The following MCPH1 variants were observed in gnomAD, a reference collection of about 807,000 sequenced individuals.
The protein encoded by MCPH1 is microcephalin.
MCPH1 carries 104 observed loss-of-function variants against 84.5 expected under a neutral mutation model. That is an observed-to-expected ratio of 1.23 (90% CI 1.05 to 1.45). MCPH1 has a LOEUF of 1.45. Among genes scored for constraint, MCPH1 ranks in the 40% most tolerant of loss-of-function variants. The probability of loss-of-function intolerance (pLI) is 0.00; values close to 1 mark genes in which losing one functional copy is unlikely to be tolerated. For synonymous variants in MCPH1, 514 were observed against 366.8 expected (o/e 1.40, Z -4.58); for missense variants, 1,498 against 1,005.7 (o/e 1.49, Z -6.62).
At chr8:6,636,192 T>C (rs1336630682) in intron 13 of MCPH1, among the ~76,000 whole-genome samples, 3 of 152,000 alleles carry the variant, frequency 2.0e-5, no homozygotes, top group Admixed American at 1.3e-4. Flanking sequence ...TTACAAAAAT[T>C]AGCCGGGCGT....
intron 12 of MCPH1, among the ~76,000 whole-genome samples, chr8:6,512,401 G>T (rs1815338580): frequency 6.6e-6 from 1 of 152,130 alleles, no homozygotes; most frequent in Non-Finnish European, 1.5e-5. Flanking sequence ...GCATTAATGA[G>T]ATGAAGACGA....
intron 2 of MCPH1, among the ~76,000 whole-genome samples, chr8:6,412,914 A>T (rs1308884169): frequency 1.3e-5 from 2 of 152,232 alleles, no homozygotes; most frequent in Non-Finnish European, 2.9e-5. Context: ...AAGAAAGAGA[A>T]ACCAGCAACG....
intron 12 of MCPH1, among the ~76,000 whole-genome samples, chr8:6,613,045 G>C (rs1361686233): frequency 6.6e-6 from 1 of 152,230 alleles, no homozygotes; most frequent in Non-Finnish European, 1.5e-5. Context: ...AAGGCGAGAG[G>C]CATGGGGTTG....
intron 4 of MCPH1, among the ~76,000 whole-genome samples, chr8:6,434,609 C>T (rs184561209): frequency 3.3e-5 from 5 of 152,180 alleles, no homozygotes; most frequent in African/African-American, 1.2e-4. Flanking sequence ...TTCTAGGTTG[C>T]AAGACCAGCG....
At chr8:6,560,579 G>A (rs1586628477) in intron 12 of MCPH1, among the ~76,000 whole-genome samples, 2 of 152,304 alleles carry the variant, frequency 1.3e-5, no homozygotes, top group South Asian at 4.1e-4. Context: ...TGGGAGAACA[G>A]GTGTGGAGCC....
At chr8:6,546,224 CAAAT>C (rs992236307) in intron 12 of MCPH1, among the ~76,000 whole-genome samples, 80 of 152,332 alleles carry the variant, frequency 5.3e-4, no homozygotes, top group African/African-American at 1.8e-3. Context: ...TTGCAGCAAA[CAAAT>C]TGGAGTAAGG....
chr8:6,541,551 C>T (rs1048042180), intron 12 of MCPH1, among the ~76,000 whole-genome samples: 8 of 152,200 alleles, frequency 5.3e-5, no homozygotes, highest in Admixed American at 2.0e-4. Flanking sequence ...AATGCGGAGA[C>T]GCTCGGCAGG....
At chr8:6,440,293 C>A (rs1005927647) in intron 6 of MCPH1, among the ~76,000 whole-genome samples, 2 of 152,118 alleles carry the variant, frequency 1.3e-5, no homozygotes, top group South Asian at 4.1e-4. Flanking sequence ...TTTCCAGCTT[C>A]CCACCCCGAC....
At chr8:6,590,106 G>T (rs918106765) in intron 12 of MCPH1, among the ~76,000 whole-genome samples, 1 of 152,010 alleles carries the variant, frequency 6.6e-6, no homozygotes, top group African/African-American at 2.4e-5. Flanking sequence ...AACATTTGGT[G>T]CCGGAAGAAT....
chr8:6,458,179 TC>T (rs1286461899), intron 9 of MCPH1, among the ~76,000 whole-genome samples: 1 of 152,140 alleles, frequency 6.6e-6, no homozygotes, highest in Non-Finnish European at 1.5e-5. Context: ...AGGCTTAAAG[TC>T]CTGATTTGCG....
At chr8:6,566,043 C>T (rs1471189899) in intron 12 of MCPH1, among the ~76,000 whole-genome samples, 1 of 152,170 alleles carries the variant, frequency 6.6e-6, no homozygotes, top group African/African-American at 2.4e-5. Context: ...GCCACCATCG[C>T]CACCACTCAA....
At chr8:6,591,433 G>A (rs768454054) in intron 12 of MCPH1, among the ~76,000 whole-genome samples, 23 of 152,110 alleles carry the variant, frequency 1.5e-4, no homozygotes, top group Non-Finnish European at 2.8e-4. Context: ...CTGCTGGCCC[G>A]TGAAGCCATG....
At chr8:6,453,284 TG>T (rs1256221180) in intron 8 of MCPH1, among the ~76,000 whole-genome samples, 1 of 151,238 alleles carries the variant, frequency 6.6e-6, no homozygotes. Context: ...TAAAACCCAC[TG>T]GCAAATTAGT....
At chr8:6,496,948 T>C (rs1432386082) in intron 11 of MCPH1, among the ~76,000 whole-genome samples, 3 of 152,062 alleles carry the variant, frequency 2.0e-5, no homozygotes, top group Non-Finnish European at 2.9e-5. Flanking sequence ...CCTCTTTAAA[T>C]TTTTTTTGAG....
chr8:6,574,418 T>G (rs1015889873), intron 12 of MCPH1, among the ~76,000 whole-genome samples: 4 of 152,192 alleles, frequency 2.6e-5, no homozygotes, highest in African/African-American at 9.7e-5. Context: ...CAGGAGGACC[T>G]CCTCTCAACT....
At chr8:6,450,905 G>A (rs1218616875) in intron 8 of MCPH1, among the ~76,000 whole-genome samples, 1 of 151,992 alleles carries the variant, frequency 6.6e-6, no homozygotes, top group Non-Finnish European at 1.5e-5. Flanking sequence ...ACCACACTCG[G>A]CTACGTTCCC....
At position 6,573,119 on chromosome 8, in the gene MCPH1, G is replaced by A. The variant is rs554135411; in HGVS notation, c.2215-48335G>A. ...CCAAGAGGGAGGAGATGGGTGAGTC[G>A]GAGATGCGGTCTGGAACTAGCTGCT... On this transcript the variant is annotated intron_variant, in intron 12 of 13. Coordinates refer to ENST00000344683, the MANE Select transcript of MCPH1 (RefSeq NM_024596.5). 1.2e-4 allele frequency among the ~76,000 whole-genome samples: 18 copies of A among 152,298 alleles called. No individual in the cohort carries two copies. In the East Asian group the frequency reaches 2.9e-3, roughly 24 times the overall value.
At chr8:6,406,947 C>A in intron 1 of MCPH1, 1 of 539,444 alleles carries the variant, frequency 1.9e-6, no homozygotes, top group African/African-American at 2.3e-5. Context: ...CCCTGTCCCC[C>A]CAAACCCCCG....
At chr8:6,423,322 G>A (rs1051070379) in intron 3 of MCPH1, among the ~76,000 whole-genome samples, 4 of 146,782 alleles carry the variant, frequency 2.7e-5, no homozygotes, top group African/African-American at 5.1e-5. Context: ...CCGCCACCAC[G>A]CCTGGCTAAT....
Sources: allele counts gnomAD v4.1 joint callset (sites outside exome capture counted in the v4.1 genomes callset), GRCh38; gene constraint gnomAD v4.1.1; transcripts MANE v1.5; gene names NCBI Gene and HGNC (gene_info 2026-07-23, HGNC 2026-07-21).